The following OSBPL8 variants were observed in gnomAD, a reference collection of about 807,000 sequenced individuals.
OSBPL8 encodes the protein oxysterol-binding protein-related protein 8.
In OSBPL8, 59 loss-of-function variants were observed where a neutral mutation model predicts 125.5. The observed-to-expected ratio is 0.47, with a 90% confidence interval of 0.38 to 0.58. OSBPL8 has a LOEUF of 0.58. Among genes scored for constraint, OSBPL8 ranks in the 20% least tolerant of loss-of-function variants. The pLI is 0.00. For missense variants in OSBPL8, 758 were observed against 1,047.8 expected, an observed-to-expected ratio of 0.72 and a Z score of 3.82; for synonymous variants, 330 against 338.9, an observed-to-expected ratio of 0.97 and a Z score of 0.29.
intron 21 of OSBPL8, among the ~76,000 whole-genome samples, chr12:76,360,736 A>G (rs1952170195): frequency 6.6e-6 from 1 of 152,178 alleles, no homozygotes; most frequent in South Asian, 2.1e-4. Flanking sequence ...TCTGTGCACC[A>G]CAGGCTCAAC....
intron 4 of OSBPL8, among the ~76,000 whole-genome samples, chr12:76,431,551 C>T (rs1012000778): frequency 6.6e-6 from 1 of 152,068 alleles, no homozygotes; most frequent in African/African-American, 2.4e-5. Flanking sequence ...TATGCCTGAG[C>T]TTTCTGAAAG....
At chr12:76,503,826 A>AGCC (rs536366565) in intron 1 of OSBPL8, among the ~76,000 whole-genome samples, 164 of 152,208 alleles carry the variant, frequency 1.1e-3, no homozygotes, top group African/African-American at 3.6e-3. Flanking sequence ...TACAGGCATA[A>AGCC]GCCACCGCGC....
chr12:76,365,878 T>C (rs1376890110), intron 21 of OSBPL8, among the ~76,000 whole-genome samples: 4 of 152,210 alleles, frequency 2.6e-5, no homozygotes, highest in African/African-American at 9.6e-5. Context: ...CCCCTCTTAA[T>C]GTGATATATT....
intron 21 of OSBPL8, among the ~76,000 whole-genome samples, chr12:76,367,770 A>T (rs951843806): frequency 6.6e-6 from 1 of 152,118 alleles, no homozygotes; most frequent in Non-Finnish European, 1.5e-5. Context: ...ACCTACCTCT[A>T]CAACAATCTA....
intron 6 of OSBPL8, among the ~76,000 whole-genome samples, chr12:76,400,757 T>TAGTC (rs1266979508): frequency 1.3e-5 from 2 of 151,824 alleles, no homozygotes; most frequent in Non-Finnish European, 2.9e-5. Flanking sequence ...TTCTGATCAC[T>TAGTC]AGTCCAGTTC....
At chr12:76,422,430 G>A (rs747978841) in intron 4 of OSBPL8, 16 of 418,740 alleles carry the variant, frequency 3.8e-5, no homozygotes, top group African/African-American at 2.3e-4. Flanking sequence ...AAATGAAAGC[G>A]GCTTTAAAAT....
chr12:76,483,646 A>T (rs1877791816), intron 2 of OSBPL8, among the ~76,000 whole-genome samples: 1 of 142,982 alleles, frequency 7.0e-6, no homozygotes, highest in African/African-American at 2.6e-5. Context: ...TCACCCCAAG[A>T]TCACTGTAAT....
chr12:76,508,739 A>C (rs528461531), intron 1 of OSBPL8, among the ~76,000 whole-genome samples: 1 of 152,316 alleles, frequency 6.6e-6, no homozygotes, highest in Admixed American at 6.5e-5. Flanking sequence ...CATACTAAAG[A>C]TACTCTCACC....
intron 14 of OSBPL8, among the ~76,000 whole-genome samples, chr12:76,385,638 G>A (rs960721681): frequency 8.6e-5 from 13 of 151,862 alleles, no homozygotes; most frequent in African/African-American, 3.2e-4. Context: ...AGCGGGTCAG[G>A]GTTTGTTTAG....
intron 1 of OSBPL8, among the ~76,000 whole-genome samples, chr12:76,552,669 C>A (rs983440954): frequency 2.6e-5 from 4 of 152,078 alleles, no homozygotes; most frequent in Non-Finnish European, 5.9e-5. Context: ...GGAAAACTCA[C>A]AGAGTGCTAT....
intron 4 of OSBPL8, chr12:76,422,645 T>G (rs1475411707): frequency 8.8e-6 from 4 of 456,364 alleles, no homozygotes; most frequent in South Asian, 6.2e-5. Context: ...TGAGCTCTCT[T>G]CTTTCATAGC....
intron 1 of OSBPL8, among the ~76,000 whole-genome samples, chr12:76,522,819 T>C (rs926737170): frequency 1.3e-5 from 2 of 152,136 alleles, no homozygotes; most frequent in Non-Finnish European, 1.5e-5. Flanking sequence ...CCTAAGCCAA[T>C]AGTGTTAAAA....
chr12:76,450,382 G>T lies in OSBPL8; in HGVS notation c.217+469C>A, dbSNP rs183414763. ...TACCAACCTTCTCAATCAACTTTTT[G>T]GGGAGTAGAGGGAAAGAAAACACTG... On this transcript the variant is annotated intron_variant, in intron 4 of 23. Coordinates refer to ENST00000261183, the MANE Select transcript of OSBPL8 (RefSeq NM_020841.5). 1.9e-3 allele frequency among the ~76,000 whole-genome samples: 293 copies of T among 152,200 alleles called. 1 individual carries two copies. The highest frequency in any genetic ancestry group is 6.7e-3 in the African/African-American group (278 of 41,532).
chr12:76,390,385 A>G, intron 11 of OSBPL8, 35 bp downstream of exon 11: 1 of 1,424,600 alleles, frequency 7.0e-7, no homozygotes, highest in Non-Finnish European at 9.7e-7. Context: ...CAAGAATATG[A>G]AAATCCAGAA....
intron 10 of OSBPL8, among the ~76,000 whole-genome samples, chr12:76,391,007 G>T (rs1371309937): frequency 6.6e-6 from 1 of 152,082 alleles, no homozygotes; most frequent in Non-Finnish European, 1.5e-5. Flanking sequence ...TTTTCAAACA[G>T]CATCACTTGC....
At chr12:76,392,850 T>C (rs535306694) in intron 9 of OSBPL8, 98 bp from the exon 10 acceptor site, 16 of 1,242,516 alleles carry the variant, frequency 1.3e-5, no homozygotes, top group South Asian at 1.7e-5. Context: ...TTGAGAAACA[T>C]GCACTGGAAA....
chr12:76,528,463 T>C (rs1950240560), intron 1 of OSBPL8, among the ~76,000 whole-genome samples: 1 of 152,164 alleles, frequency 6.6e-6, no homozygotes, highest in African/African-American at 2.4e-5. Flanking sequence ...TATGTGCTTT[T>C]AGACAATTTG....
rs907881326 is a variant in OSBPL8 at position 76,514,349 on chromosome 12, C to T, written c.-67-26731G>A. Among the ~76,000 whole-genome samples, 10 of 150,804 alleles carry T rather than the reference C, an allele frequency of 6.6e-5. 1 individual carries two copies. In the East Asian group the frequency reaches 1.9e-3, roughly 29 times the overall value. On this transcript the variant is annotated intron_variant, in intron 1 of 23. Transcript: ENST00000261183. ...TTGTATTTTTAGTAGAGACAGGTTT[C>T]ACCATATTGGCCAGGCTGGTCTTGA...
rs1243179864 is a variant in OSBPL8 at position 76,408,204 on chromosome 12, G to A, written c.288+2360C>T. ...TGGCCGGGCACGGTGACTCACGCCTGTAATCCCAGCATTCTGGGAGGCCGA... is the reference window on the plus strand; with the variant it reads ...TGGCCGGGCACGGTGACTCACGCCTATAATCCCAGCATTCTGGGAGGCCGA... On this transcript the variant is annotated intron_variant, in intron 5 of 23. Coordinates refer to ENST00000261183, the MANE Select transcript of OSBPL8 (RefSeq NM_020841.5). Among the ~76,000 whole-genome samples the A allele has an allele frequency of 3.4e-5, 5 of 148,866 alleles. No homozygotes were observed. The South Asian group carries it at 6.4e-4, about 19-fold the overall frequency.
Sources: allele counts gnomAD v4.1 joint callset (sites outside exome capture counted in the v4.1 genomes callset), GRCh38; gene constraint gnomAD v4.1.1; transcripts MANE v1.5; gene names NCBI Gene and HGNC (gene_info 2026-07-23, HGNC 2026-07-21).